The following BRF1 variants were observed in gnomAD, a reference collection of about 807,000 sequenced individuals.
BRF1 encodes the protein BRF1 general transcription factor IIIB subunit, also known as transcription factor IIIB 90 kDa subunit.
Under a neutral mutation model 81.7 loss-of-function variants are expected in BRF1, and 59 were observed. The ratio of observed to expected loss-of-function variants is 0.72; its 90% CI spans 0.59 to 0.90. The LOEUF (loss-of-function observed/expected upper bound fraction) is 0.90, where lower values mean the gene tolerates loss of function less well. Among genes scored for constraint, BRF1 ranks in the 40% least tolerant of loss-of-function variants. The pLI is 0.00. For synonymous variants in BRF1, 491 were observed against 395.6 expected, an observed-to-expected ratio of 1.24 and a Z score of -2.86; for missense variants, 1,050 against 936.3, an observed-to-expected ratio of 1.12 and a Z score of -1.58.
intron 3 of BRF1, among the ~76,000 whole-genome samples, chr14:105,258,550 C>T (rs2055998032): frequency 6.7e-6 from 1 of 149,508 alleles, no homozygotes; most frequent in Non-Finnish European, 1.5e-5. Context: ...GTAATCCCAA[C>T]ACTTTGGGAG....
chr14:105,248,187 C>A, intron 5 of BRF1: 2 of 985,482 alleles, frequency 2.0e-6, no homozygotes, highest in Non-Finnish European at 2.4e-6. Flanking sequence ...TGCTGGCGTC[C>A]GTAGCAAGCT....
chr14:105,275,501 C>A (rs587649760), intron 2 of BRF1, among the ~76,000 whole-genome samples: 3 of 152,274 alleles, frequency 2.0e-5, no homozygotes, highest in Non-Finnish European at 4.4e-5. Context: ...CACAGACCGT[C>A]CCCGCGGCCC....
At chr14:105,295,122 A>G (rs1481561770) in intron 1 of BRF1, among the ~76,000 whole-genome samples, 1 of 152,084 alleles carries the variant, frequency 6.6e-6, no homozygotes, top group Non-Finnish European at 1.5e-5. Flanking sequence ...AGGACGTTAC[A>G]GGAAAAACTA....
At chr14:105,249,964 G>C (rs772007157) in intron 5 of BRF1, 1 of 1,612,338 alleles carries the variant, frequency 6.2e-7, no homozygotes, top group South Asian at 1.1e-5. Context: ...TGGTCTTCGA[G>C]GCCGTCCTGA....
chr14:105,267,229 A>C (rs1269695983), intron 3 of BRF1, among the ~76,000 whole-genome samples: 1 of 151,274 alleles, frequency 6.6e-6, no homozygotes, highest in African/African-American at 2.4e-5. Context: ...ACAAGACACC[A>C]CCGACAAGGG....
At chr14:105,260,472 A>G (rs1476297816) in intron 3 of BRF1, among the ~76,000 whole-genome samples, 4 of 152,032 alleles carry the variant, frequency 2.6e-5, no homozygotes. Context: ...ACCAGGTTCA[A>G]GCGATTCTCC....
At position 105,221,899 on chromosome 14, in the gene BRF1, G is replaced by C; in HGVS notation, c.1064C>G (p.Thr355Ser). Residue 355 changes from threonine (T) to serine (S), a missense_variant, in exon 11 of 18, where the codon ACC (threonine) becomes AGC (serine). Around this residue, in one of 2 missense-constraint regions of BRF1, gnomAD observed 1,043 missense variants for 915.4 expected, o/e 1.14. Coordinates refer to ENST00000547530, the MANE Select transcript of BRF1 (RefSeq NM_001519.4). ...CTCCTCGCCACACAAGCTGGACGCG[G>C]TGTCCTCGGTGGAGCCTAGGTGTAC... is the stretch of plus-strand genomic sequence containing the variant. ...SLAKDGSTED[T>S]ASSLCGEEDT... The C allele has an allele frequency of 6.3e-7, 1 of 1,594,594 alleles. No homozygotes were observed. Among genetic ancestry groups the C allele is most frequent in the Admixed American group, 1.7e-5 (1 of 57,610 alleles).
chr14:105,277,772 T>A (rs1467847057), intron 2 of BRF1, among the ~76,000 whole-genome samples: 2 of 152,230 alleles, frequency 1.3e-5, no homozygotes, highest in African/African-American at 4.8e-5. Context: ...TTCTCTTTTT[T>A]GAGATGGAGT....
intron 1 of BRF1, among the ~76,000 whole-genome samples, chr14:105,288,511 C>T (rs918294789): frequency 2.0e-5 from 3 of 151,804 alleles, no homozygotes; most frequent in African/African-American, 7.3e-5. Context: ...GAGTGGTGGC[C>T]GGGCATGGTG....
Position 105,210,572 on chromosome 14 carries a change from G to A in BRF1, c.2013C>T (p.Gly671=), listed in dbSNP as rs764621452. 1.9e-6 allele frequency: 3 copies of A among 1,611,410 alleles called. No individual in the cohort carries two copies. Among genetic ancestry groups the A allele is most frequent in the Non-Finnish European group, 2.5e-6 (3 of 1,179,856 alleles). ...MMGSNDYGCD[G]DEDDGY ...CACTTCAGTAGCCGTCGTCCTCATC[G>A]CCATCACAGCCATAGTCTGCAGAAG... The change falls in exon 18 of 18, where the codon GGC becomes GGT. Residue 671 remains glycine (G), a synonymous_variant. Coordinates refer to ENST00000547530, the MANE Select transcript of BRF1 (RefSeq NM_001519.4). This position sits in a 1 kb window ranked among gnomAD's most constrained non-coding sequence, Gnocchi z 4.7.
At position 105,225,549 on chromosome 14, in the gene BRF1, T is replaced by A. The variant is rs186882656; in HGVS notation, c.1048+520A>T. 2.4e-4 allele frequency among the ~76,000 whole-genome samples: 37 copies of A among 152,274 alleles called. No homozygotes were observed. The East Asian group carries it at 5.4e-3, about 22-fold the overall frequency. On this transcript the variant is annotated intron_variant, in intron 10 of 17. Coordinates refer to ENST00000547530, the MANE Select transcript of BRF1 (RefSeq NM_001519.4). ...ACTCTAGTACAACATCAATGACAGG[T>A]AGCAGGCCCTGAAAGAAATAAAAAT...
At chr14:105,250,539 G>C in intron 5 of BRF1, 7 of 1,614,140 alleles carry the variant, frequency 4.3e-6, no homozygotes, top group Non-Finnish European at 5.9e-6. Context: ...AGCGAACTCA[G>C]CTACTTTGGG....
intron 5 of BRF1, chr14:105,249,219 G>T: frequency 6.3e-7 from 1 of 1,587,696 alleles, no homozygotes. Context: ...GGGCCCCCGG[G>T]GGCGACCAGG....
intron 4 of BRF1, among the ~76,000 whole-genome samples, chr14:105,256,033 G>C (rs778423427): frequency 1.6e-4 from 24 of 152,126 alleles, no homozygotes; most frequent in Non-Finnish European, 2.8e-4. Context: ...GCTGAGGTGG[G>C]AGGATTGCTT....
rs138410009 is a variant in BRF1 at position 105,293,395 on chromosome 14, T to C, written c.185-7019A>G. ...GTTCTAACTGTGAAGCCACTGAAAG[T>C]TGTGATTACGGGAAACGCTCCCCAC... On this transcript the variant is annotated intron_variant, in intron 1 of 17. Coordinates refer to ENST00000547530, the MANE Select transcript of BRF1 (RefSeq NM_001519.4). Among the ~76,000 whole-genome samples, 213 of 152,276 alleles carry C rather than the reference T, an allele frequency of 1.4e-3. 2 individuals are homozygous for C. Among genetic ancestry groups the C allele is most frequent in the African/African-American group, 4.8e-3 (201 of 41,564 alleles).
intron 1 of BRF1, among the ~76,000 whole-genome samples, chr14:105,298,778 C>T (rs1041180387): frequency 1.3e-5 from 2 of 151,902 alleles, no homozygotes; most frequent in South Asian, 4.2e-4. Flanking sequence ...TCACTTGAAC[C>T]TGGGAGGCAG....
At chr14:105,257,423 C>T (rs1051227817) in intron 3 of BRF1, among the ~76,000 whole-genome samples, 2 of 152,214 alleles carry the variant, frequency 1.3e-5, no homozygotes, top group Non-Finnish European at 2.9e-5. Flanking sequence ...CACTCATCCA[C>T]GCCCTGGGCT....
intron 10 of BRF1, among the ~76,000 whole-genome samples, chr14:105,223,547 GA>G (rs1314362702): frequency 6.6e-6 from 1 of 151,882 alleles, no homozygotes; most frequent in Non-Finnish European, 1.5e-5. Context: ...AAGCCGAAGG[GA>G]AAAACATATA....
intron 1 of BRF1, among the ~76,000 whole-genome samples, chr14:105,296,010 G>C (rs963583355): frequency 1.9e-4 from 29 of 150,488 alleles, no homozygotes; most frequent in Admixed American, 1.7e-3. Context: ...GAACCCAGGA[G>C]GGGGAGGTTG....
Sources: gnomAD v4.1 joint callset for allele counts (sites outside exome capture counted in the v4.1 genomes callset) on GRCh38, gnomAD v4.1.1 for gene constraint, gnomAD v4.1.1 regional missense constraint, Gnocchi (gnomAD v3.1) non-coding constraint, MANE v1.5 for transcripts, NCBI Gene and HGNC (gene_info 2026-07-23, HGNC 2026-07-21) for gene names.